CBR4: variants seen among roughly 807,000 people sequenced by gnomAD.
CBR4 encodes the protein carbonyl reductase 4, also known as 3-oxoacyl-[acyl-carrier-protein] reductase.
A neutral mutation model predicts 21.0 loss-of-function variants in CBR4; 22 were observed. The observed-to-expected ratio is 1.05, with a 90% CI of 0.75 to 1.50. The LOEUF (loss-of-function observed/expected upper bound fraction) is 1.50, where lower values mean the gene tolerates loss of function less well. Ranked by LOEUF, CBR4 falls within the 40% of genes most tolerant of loss-of-function variation. CBR4 has a pLI of 0.00. For synonymous variants in CBR4, 100 were observed against 104.4 expected, an observed-to-expected ratio of 0.96 and a Z score of 0.26; for missense variants, 302 against 286.3, an observed-to-expected ratio of 1.05 and a Z score of -0.40.
Position 168,976,706 on chromosome 4 carries a change from C to G in CBR4, n.169+25365G>C, listed in dbSNP as rs190205785. Among the ~76,000 whole-genome samples, 1,217 of 152,222 alleles carry G rather than the reference C, an allele frequency of 8.0e-3. 12 individuals are homozygous for G. Among genetic ancestry groups the G allele is most frequent in the African/African-American group, 0.028 (1,168 of 41,522 alleles). ...GAGGGTGTATCATACGAAGTACATT[C>G]ACAAGGGTGGGGGAATATCGCAAAG... On this transcript the variant is annotated intron_variant and non_coding_transcript_variant, in intron 2 of 3. Transcript: ENST00000509108.
intron 4 of CBR4, among the ~76,000 whole-genome samples, chr4:168,991,073 C>T (rs1236967481): frequency 6.6e-6 from 1 of 151,860 alleles, no homozygotes; most frequent in East Asian, 1.9e-4. Context: ...CAAAACAAAA[C>T]AAAATAGTTT....
intron 2 of CBR4, among the ~76,000 whole-genome samples, chr4:168,895,188 C>T (rs758817899): frequency 6.6e-6 from 1 of 152,024 alleles, no homozygotes; most frequent in Non-Finnish European, 1.5e-5. Context: ...TCGAGACCAT[C>T]GTGGCCAACA....
chr4:168,961,689 C>A (rs4692554), intron 2 of CBR4, among the ~76,000 whole-genome samples: 114,529 of 152,078 alleles, frequency 0.75, 43,427 homozygotes, highest in East Asian at 0.96. Context: ...CAGGAGTTCG[C>A]GACCAGCCAG....
intron 4 of CBR4, among the ~76,000 whole-genome samples, chr4:168,990,681 CAA>C (rs1560982482): frequency 6.6e-6 from 1 of 151,944 alleles, no homozygotes; most frequent in African/African-American, 2.4e-5. Flanking sequence ...CTCAGCCTCC[CAA>C]AGTGCTGGGA....
In CBR4 at chr4:168,924,563, A is replaced by G. The variant is rs920600783; in HGVS notation, n.170-29798T>C. On this transcript the variant is annotated intron_variant and non_coding_transcript_variant, in intron 2 of 3. Transcript: ENST00000509108. ...TTGATGAAATCAATCAAAGACAAAAACCATGCGTTACCCAATGTAGGATTA... is the reference window on the plus strand; with the variant it reads ...TTGATGAAATCAATCAAAGACAAAAGCCATGCGTTACCCAATGTAGGATTA... The G allele has an allele frequency of 3.6e-6, 3 of 843,696 alleles. No individual in the cohort carries two copies. In the African/African-American group the frequency reaches 5.1e-5, roughly 14 times the overall value. 52.3% of individuals were successfully genotyped at this position (843,696 alleles called of 1,614,324 possible).
intron 2 of CBR4, among the ~76,000 whole-genome samples, chr4:168,949,760 G>T (rs1319967813): frequency 9.2e-5 from 14 of 151,782 alleles, no homozygotes; most frequent in Non-Finnish European, 2.9e-5. Context: ...ACTTTTTTTT[G>T]TTAATTTTTA....
At chr4:168,943,125 C>G (rs1429557209) in intron 2 of CBR4, among the ~76,000 whole-genome samples, 1 of 152,066 alleles carries the variant, frequency 6.6e-6, no homozygotes, top group Non-Finnish European at 1.5e-5. Flanking sequence ...GACATTTATC[C>G]AAAAGAAAGG....
chr4:168,981,080 G>C (rs1325285393), intron 2 of CBR4, among the ~76,000 whole-genome samples: 1 of 152,068 alleles, frequency 6.6e-6, no homozygotes, highest in Non-Finnish European at 1.5e-5. Context: ...CAATTCAAAA[G>C]ATAAAAATAT....
At chr4:169,005,382 T>G (rs1730823451) in intron 3 of CBR4, 1 of 152,862 alleles carries the variant, frequency 6.5e-6, no homozygotes, top group African/African-American at 2.4e-5. Flanking sequence ...GCAGCTTTGA[T>G]TCGTGCCACG....
chr4:168,954,217 C>T (rs1763623109), intron 2 of CBR4, among the ~76,000 whole-genome samples: 1 of 152,134 alleles, frequency 6.6e-6, no homozygotes, highest in Non-Finnish European at 1.5e-5. Context: ...TTATTTAAAA[C>T]TTCTTAAGCA....
intron 4 of CBR4, among the ~76,000 whole-genome samples, chr4:168,993,118 C>T (rs556683283): frequency 6.6e-6 from 1 of 152,058 alleles, no homozygotes; most frequent in Admixed American, 6.6e-5. Context: ...AGTGAAGAGC[C>T]ACAATAATCA....
chr4:168,918,897 G>T (rs1295190082), intron 2 of CBR4, among the ~76,000 whole-genome samples: 1 of 152,034 alleles, frequency 6.6e-6, no homozygotes, highest in East Asian at 1.9e-4. Context: ...TTATACCAAA[G>T]AATTATTAAT....
intron 2 of CBR4, among the ~76,000 whole-genome samples, chr4:168,959,155 G>A (rs888729808): frequency 1.3e-5 from 2 of 152,104 alleles, no homozygotes; most frequent in African/African-American, 4.8e-5. Flanking sequence ...TCTTCCAGAA[G>A]TTCTATAGTT....
At chr4:168,897,751 C>T (rs576581833) in intron 2 of CBR4, among the ~76,000 whole-genome samples, 1 of 152,098 alleles carries the variant, frequency 6.6e-6, no homozygotes, top group Non-Finnish European at 1.5e-5. Flanking sequence ...CTGTACCTGG[C>T]CTTTAATGCA....
chr4:168,914,671 G>A (rs1398821871), intron 2 of CBR4, among the ~76,000 whole-genome samples: 1 of 152,174 alleles, frequency 6.6e-6, no homozygotes, highest in Non-Finnish European at 1.5e-5. Flanking sequence ...AATTCAGTAA[G>A]TCAACCATCC....
chr4:168,986,971 ATAAG>A (rs1259107946), downstream of CBR4, among the ~76,000 whole-genome samples: 15 of 152,180 alleles, frequency 9.9e-5, no homozygotes, highest in African/African-American at 3.1e-4. Context: ...AAATAAATAA[ATAAG>A]TGTCTTAAAT....
At chr4:168,997,504 G>T (rs899312641) in intron 4 of CBR4, among the ~76,000 whole-genome samples, 3 of 152,120 alleles carry the variant, frequency 2.0e-5, no homozygotes, top group Admixed American at 1.3e-4. Flanking sequence ...TGAGGCAGGA[G>T]GATCGCTTGA....
At chr4:168,982,345 G>C (rs751506284) in intron 2 of CBR4, among the ~76,000 whole-genome samples, 2 of 152,104 alleles carry the variant, frequency 1.3e-5, no homozygotes, top group African/African-American at 4.8e-5. Context: ...TGATAAAAAG[G>C]TTCAATTCAA....
intron 2 of CBR4, among the ~76,000 whole-genome samples, chr4:168,918,627 T>C (rs1421630453): frequency 6.6e-6 from 1 of 152,146 alleles, no homozygotes; most frequent in Non-Finnish European, 1.5e-5. Flanking sequence ...ATGGTGACTA[T>C]AGTTAATAAC....
Sources: gnomAD v4.1 joint callset for allele counts (sites outside exome capture counted in the v4.1 genomes callset) on GRCh38, gnomAD v4.1.1 for gene constraint, MANE v1.5 for transcripts, NCBI Gene and HGNC (gene_info 2026-07-23, HGNC 2026-07-21) for gene names.